TGFBR2: variants seen among roughly 807,000 people sequenced by gnomAD.
TGFBR2 encodes transforming growth factor beta receptor 2.
TGFBR2 carries 18 observed loss-of-function variants against 49.0 expected under a neutral mutation model. The ratio of observed to expected loss-of-function variants is 0.37; its 90% confidence interval spans 0.25 to 0.54. The LOEUF (loss-of-function observed/expected upper bound fraction) is 0.54. Ranked by LOEUF, TGFBR2 falls within the 20% of genes least tolerant of loss-of-function variation. TGFBR2 has a pLI of 0.85. For synonymous variants in TGFBR2, 282 were observed against 275.9 expected (o/e 1.02, Z -0.22); for missense variants, 525 against 722.6 (o/e 0.73, Z 3.13).
At chr3:30,626,656 T>A (rs1218597416) in intron 1 of TGFBR2, 1 of 152,772 alleles carries the variant, frequency 6.5e-6, no homozygotes, top group Non-Finnish European at 1.5e-5. Context: ...TTGAACCACC[T>A]TGGACCACTC....
At chr3:30,639,523 C>T (rs1325944541) in intron 1 of TGFBR2, among the ~76,000 whole-genome samples, 4 of 152,194 alleles carry the variant, frequency 2.6e-5, no homozygotes, top group Non-Finnish European at 2.9e-5. Context: ...TGCCAGCCCC[C>T]ACAATACCAC....
At chr3:30,661,953 T>C (rs1335623446) in intron 3 of TGFBR2, among the ~76,000 whole-genome samples, 2 of 152,186 alleles carry the variant, frequency 1.3e-5, no homozygotes, top group Admixed American at 1.3e-4. Context: ...TGTCAGACTT[T>C]AGAGTCTCAT....
chr3:30,666,243 G>A (rs1046345607), intron 3 of TGFBR2, among the ~76,000 whole-genome samples: 4 of 152,068 alleles, frequency 2.6e-5, no homozygotes, highest in African/African-American at 7.2e-5. Context: ...GCCCTTCAGA[G>A]CTATATCTGG....
intron 1 of TGFBR2, among the ~76,000 whole-genome samples, chr3:30,611,011 G>C (rs1180218070): frequency 6.6e-6 from 1 of 152,164 alleles, no homozygotes; most frequent in Admixed American, 6.5e-5. Flanking sequence ...TCATCTTCTT[G>C]AGGAAACCTG....
chr3:30,656,297 T>C (rs1206019618), intron 3 of TGFBR2, among the ~76,000 whole-genome samples: 1 of 152,206 alleles, frequency 6.6e-6, no homozygotes, highest in African/African-American at 2.4e-5. Context: ...TGGATCTTAA[T>C]GTGGAGAAAA....
Position 30,644,942 on chromosome 3 carries a change from C to A in TGFBR2, c.263+27C>A, listed in dbSNP as rs1369648423. ...TAAGCAAGCCTTTTAAGAAGTTATT[C>A]TTTCTTTTCCCCTTTTTACATAATG... On this transcript the variant is annotated intron_variant, in intron 2 of 6. Coordinates refer to ENST00000295754, the MANE Select transcript of TGFBR2 (RefSeq NM_003242.6). 3.1e-6 allele frequency: 5 copies of A among 1,602,274 alleles called. No homozygotes were observed. The African/African-American group carries it at 5.4e-5, about 17-fold the overall frequency.
At chr3:30,689,305 A>G (rs1436174475) in intron 6 of TGFBR2, among the ~76,000 whole-genome samples, 1 of 152,180 alleles carries the variant, frequency 6.6e-6, no homozygotes, top group Non-Finnish European at 1.5e-5. Context: ...AGAACCAGCT[A>G]TATGTCTGAC....
At chr3:30,623,989 A>G (rs139492737) in intron 1 of TGFBR2, among the ~76,000 whole-genome samples, 126 of 152,194 alleles carry the variant, frequency 8.3e-4, no homozygotes, top group East Asian at 5.4e-3. Context: ...TAAAAAATAC[A>G]AAAATTAGCT....
intron 5 of TGFBR2, among the ~76,000 whole-genome samples, chr3:30,681,420 C>G (rs1367504178): frequency 6.6e-6 from 1 of 152,094 alleles, no homozygotes; most frequent in African/African-American, 2.4e-5. Context: ...CAGCTGTGCA[C>G]CAGATGCTGA....
At chr3:30,617,428 G>A (rs1486736767) in intron 1 of TGFBR2, among the ~76,000 whole-genome samples, 1 of 152,024 alleles carries the variant, frequency 6.6e-6, no homozygotes, top group Non-Finnish European at 1.5e-5. Flanking sequence ...ATGTGAAAAG[G>A]AAAAAAATCT....
At position 30,645,819 on chromosome 3, in the gene TGFBR2, CCTCT is replaced by C. The variant is rs4016205; in HGVS notation, c.263+924_263+927del. 1.8e-4 allele frequency among the ~76,000 whole-genome samples: 26 copies of C among 147,948 alleles called. No individual in the cohort carries two copies. In the East Asian group the frequency reaches 3.4e-3, roughly 19 times the overall value. The stretch of plus-strand genomic sequence containing the variant: ...ATATTTTTATCGGATCACATTTTCT[CCTCT>C]CTCTCTCTCTCTCTCTCTCATTCCC... On this transcript the variant is annotated intron_variant, in intron 2 of 6. Coordinates refer to ENST00000295754, the MANE Select transcript of TGFBR2 (RefSeq NM_003242.6).
chr3:30,676,797 T>C lies in TGFBR2; in HGVS notation c.1396+2551T>C, dbSNP rs1042038149. Among the ~76,000 whole-genome samples, 1 of 152,068 alleles carries C rather than the reference T, an allele frequency of 6.6e-6. No individual in the cohort carries two copies. The highest frequency in any genetic ancestry group is 1.5e-5 in the Non-Finnish European group (1 of 68,036). ...GAGACCCCCGCATGGGGATGGCACT[T>C]CCTATCTAGCTGACATAGTTATTAT... On this transcript the variant is annotated intron_variant, in intron 5 of 6. Transcript: ENST00000295754. This position sits in a 1 kb window ranked among gnomAD's most constrained non-coding sequence, Gnocchi z 4.3.
rs202168735 is a variant in TGFBR2, at chr3:30,672,109, C to T, written c.926C>T (p.Thr309Met). 3 of 1,614,200 alleles carry T rather than the reference C, an allele frequency of 1.9e-6. No homozygotes were observed. The highest frequency in any genetic ancestry group is 2.5e-6 in the Non-Finnish European group (3 of 1,180,028). The change falls in exon 4 of 7, where the codon ACG becomes ATG. Residue 309 changes from threonine to methionine, a missense_variant. Physicochemically the swap from Thr to Met is moderately conservative, Grantham distance 81. Coordinates refer to ENST00000295754, the MANE Select transcript of TGFBR2 (RefSeq NM_003242.6). The surrounding 1 kb of genome is among the most constrained non-coding windows in gnomAD (Gnocchi z 4.5). ...LKHENILQFL[T>M]AEERKTELGK... The stretch of plus-strand genomic sequence containing the variant: ...CATGAGAACATACTCCAGTTCCTGA[C>T]GGCTGAGGAGCGGAAGACGGAGTTG...
intron 1 of TGFBR2, among the ~76,000 whole-genome samples, chr3:30,635,002 C>T (rs1189186504): frequency 6.6e-6 from 1 of 152,190 alleles, no homozygotes; most frequent in Non-Finnish European, 1.5e-5. Context: ...TCCCTGCAGT[C>T]AGTCTTTGCC....
intron 5 of TGFBR2, among the ~76,000 whole-genome samples, chr3:30,675,989 A>T (rs375780749): frequency 1.3e-5 from 2 of 152,176 alleles, no homozygotes; most frequent in Admixed American, 1.3e-4. Context: ...AGAGTTCCTC[A>T]GTCGATTTTT....
At chr3:30,677,430 T>A (rs1699460714) in intron 5 of TGFBR2, among the ~76,000 whole-genome samples, 1 of 152,180 alleles carries the variant, frequency 6.6e-6, no homozygotes, top group African/African-American at 2.4e-5. Flanking sequence ...CACAGTCCTA[T>A]TTCTCCCATC....
chr3:30,607,788 A>AAT (rs1697949494), intron 1 of TGFBR2, among the ~76,000 whole-genome samples: 1 of 132,864 alleles, frequency 7.5e-6, no homozygotes, highest in African/African-American at 3.4e-5. Context: ...AGGAAAAAAT[A>AAT]AAAATAAAAA....
chr3:30,606,828 G>C lies in TGFBR2; in HGVS notation c.-56G>C, dbSNP rs925247711. ...CGCGGAGGCGCAGCCAGGGGTCCGGGAAGGCGCCGTCCGCTGCGCTGGGGG... is the reference window on the plus strand; with the variant it reads ...CGCGGAGGCGCAGCCAGGGGTCCGGCAAGGCGCCGTCCGCTGCGCTGGGGG... On this transcript the variant is annotated 5_prime_UTR_variant, in exon 1 of 7. Transcript: ENST00000295754. The C allele has an allele frequency of 7.9e-7, 1 of 1,259,178 alleles. No individual in the cohort carries two copies. The highest frequency in any genetic ancestry group is 1.5e-5 in the African/African-American group (1 of 64,996). The allele number at this position is 1,259,178 out of a possible 1,614,324, so 78.0% of individuals were successfully genotyped here. A position where few individuals can be genotyped will look rare whatever the true frequency, so the allele number is the denominator to read the frequency against.
chr3:30,658,175 T>A (rs1297088157), intron 3 of TGFBR2, among the ~76,000 whole-genome samples: 1 of 152,252 alleles, frequency 6.6e-6, no homozygotes, highest in Non-Finnish European at 1.5e-5. Flanking sequence ...CAACCCCTGA[T>A]AGAGATATTC....
Sources: gnomAD v4.1 joint callset for allele counts (sites outside exome capture counted in the v4.1 genomes callset) on GRCh38, gnomAD v4.1.1 for gene constraint, Gnocchi (gnomAD v3.1) non-coding constraint, MANE v1.5 for transcripts, NCBI Gene and HGNC (gene_info 2026-07-23, HGNC 2026-07-21) for gene names.